The following PHKA1 variants were observed in gnomAD, a reference collection of about 807,000 sequenced individuals.
PHKA1 encodes phosphorylase kinase regulatory subunit alpha 1, also known as phosphorylase b kinase regulatory subunit alpha, skeletal muscle isoform.
PHKA1 carries 60 observed loss-of-function variants against 110.2 expected under a neutral mutation model. The observed-to-expected ratio is 0.54, with a 90% confidence interval of 0.44 to 0.68. PHKA1 has a LOEUF of 0.68. Among genes scored for constraint, PHKA1 ranks in the 30% least tolerant of loss-of-function variants. PHKA1 has a pLI of 0.00. For synonymous variants in PHKA1, 316 were observed against 333.6 expected, an observed-to-expected ratio of 0.95 and a Z score of 0.58; for missense variants, 801 against 942.5, an observed-to-expected ratio of 0.85 and a Z score of 1.97.
At position 72,689,158 on chromosome X, in the gene PHKA1, A is replaced by G. The variant is rs2054003611; in HGVS notation, c.455-4578T>C. Among the ~76,000 whole-genome samples, 9 of 112,424 alleles carry G rather than the reference A, an allele frequency of 8.0e-5. No homozygotes were observed. In the Admixed American group the frequency reaches 8.5e-4, roughly 11 times the overall value. ...GTATAACATTAAGCCTCTTTCTCTC[A>G]TTTTTAGAAACAACCTTATTGAGAT... On this transcript the variant is annotated intron_variant, in intron 4 of 31. Coordinates refer to ENST00000373542, the MANE Select transcript of PHKA1 (RefSeq NM_002637.4).
chrX:72,702,158 A>G (rs782355195), intron 3 of PHKA1, among the ~76,000 whole-genome samples: 1 of 111,869 alleles, frequency 8.9e-6, no homozygotes, highest in South Asian at 3.8e-4. Flanking sequence ...GAAAAAAATA[A>G]CAGTAATTGG....
chrX:72,633,905 G>T (rs2147731677), intron 16 of PHKA1, among the ~76,000 whole-genome samples: 1 of 111,475 alleles, frequency 9.0e-6, no homozygotes, highest in Admixed American at 9.5e-5. Flanking sequence ...CTCTATTCAG[G>T]AGAACTTCAT....
intron 5 of PHKA1, among the ~76,000 whole-genome samples, chrX:72,679,284 C>A (rs188122030): frequency 2.9e-4 from 32 of 110,643 alleles, no homozygotes; most frequent in Non-Finnish European, 4.3e-4. Context: ...CCACAAAACA[C>A]ATTTTAAAAG....
chrX:72,670,937 A>C (rs1556308756), intron 6 of PHKA1, among the ~76,000 whole-genome samples: 1 of 111,844 alleles, frequency 8.9e-6, no homozygotes, highest in Non-Finnish European at 1.9e-5. Context: ...GACGTATCTC[A>C]AAATAATAAG....
intron 29 of PHKA1, 29 bp downstream of exon 29, chrX:72,593,075 A>C (rs201554965): frequency 9.7e-7 from 1 of 1,031,701 alleles, no homozygotes; most frequent in African/African-American, 1.9e-5. Context: ...AGGGGCAAAA[A>C]TGAGACATCA....
intron 31 of PHKA1, 31 bp from the exon 32 acceptor site, chrX:72,581,206 G>A (rs1455076075): frequency 3.0e-6 from 3 of 1,000,575 alleles, no homozygotes; most frequent in Non-Finnish European, 4.3e-6. Flanking sequence ...GAAGAACATA[G>A]GGGAAAGGAA....
intron 22 of PHKA1, among the ~76,000 whole-genome samples, chrX:72,610,163 C>G (rs1338313744): frequency 9.0e-6 from 1 of 110,980 alleles, no homozygotes; most frequent in African/African-American, 3.3e-5. Context: ...AGATTTACAA[C>G]AAATTATTGT....
At chrX:72,641,434 C>T (rs1375260621) in intron 14 of PHKA1, among the ~76,000 whole-genome samples, 1 of 111,268 alleles carries the variant, frequency 9.0e-6, no homozygotes, top group African/African-American at 3.3e-5. Flanking sequence ...GGAAATGCAT[C>T]ACGAGAGAAT....
At chrX:72,589,223 T>A (rs1161942602) in intron 29 of PHKA1, among the ~76,000 whole-genome samples, 1 of 111,774 alleles carries the variant, frequency 8.9e-6, no homozygotes, top group Non-Finnish European at 1.9e-5. Context: ...AAAAAGCTTA[T>A]CAACCATGAT....
chrX:72,581,099 G>A lies in PHKA1; in HGVS notation c.3575C>T (p.Ala1192Val), dbSNP rs782205805. ...CATGGTGCCAAACCTGCCACTGGGT[G>A]CACTGTCATACAGAAGAGTACAGAT... The part of the protein sequence containing the change: ...SGICTLLYDS[A>V]PSGRFGTMTY... The change falls in exon 32 of 32, where the codon GCA (alanine) becomes GTA (valine). Residue 1192 changes from alanine (A) to valine (V), a missense_variant. This residue lies in a region of PHKA1 where 502 missense variants were observed against 519.2 expected (regional missense o/e 0.97). Coordinates refer to ENST00000373542, the MANE Select transcript of PHKA1 (RefSeq NM_002637.4). 1 of 1,196,721 alleles carries A rather than the reference G, an allele frequency of 8.4e-7. No individual in the cohort carries two copies.
In PHKA1 at chrX:72,580,868, T is replaced by C. The variant is rs1409363018; in HGVS notation, c.*134A>G. 5.0e-6 allele frequency: 3 copies of C among 602,013 alleles called. No homozygotes were observed. Among genetic ancestry groups the C allele is most frequent in the African/African-American group, 4.4e-5 (2 of 45,188 alleles). The allele number at this position is 602,013 out of a possible 1,213,427, so 49.6% of individuals were successfully genotyped here. ...AGTAGTTAGTTTATCGAAAAAGTTC[T>C]CTCTTCTTGGGAAGGATGGGACAGA... On this transcript the variant is annotated 3_prime_UTR_variant, in exon 32 of 32. Coordinates refer to ENST00000373542, the MANE Select transcript of PHKA1 (RefSeq NM_002637.4).
chrX:72,630,999 GT>G (rs146161152), intron 16 of PHKA1, among the ~76,000 whole-genome samples: 10 of 44,668 alleles, frequency 2.2e-4, no homozygotes, highest in South Asian at 1.6e-3. Flanking sequence ...ATTTTTTCAG[GT>G]TTTTTTTTTT....
intron 28 of PHKA1, among the ~76,000 whole-genome samples, chrX:72,597,026 C>A (rs1168884618): frequency 8.9e-6 from 1 of 112,106 alleles, no homozygotes; most frequent in Admixed American, 9.5e-5. Context: ...ATAGCCTTTT[C>A]AACAAATGGT....
At chrX:72,649,098 T>G (rs1194711540) in intron 13 of PHKA1, among the ~76,000 whole-genome samples, 1 of 112,237 alleles carries the variant, frequency 8.9e-6, no homozygotes, top group Admixed American at 9.4e-5. Context: ...GAACAAGATC[T>G]CTCATGGGAA....
chrX:72,697,857 G>A lies in PHKA1; in HGVS notation c.286-1981C>T, dbSNP rs1341452492. On this transcript the variant is annotated intron_variant, in intron 3 of 31. Coordinates refer to ENST00000373542, the MANE Select transcript of PHKA1 (RefSeq NM_002637.4). ...AACTTAGCCGGGCATGGTGGCGGGT[G>A]CCTGTAGTCCCAGCTACTCGGGAGG... Among the ~76,000 whole-genome samples, 3 of 109,176 alleles carry A rather than the reference G, an allele frequency of 2.7e-5. No individual in the cohort carries two copies. In the Admixed American group the frequency reaches 3.0e-4, roughly 11 times the overall value. 94.8% of individuals were successfully genotyped at this position (109,176 alleles called of 115,157 possible).
chrX:72,707,345 T>C (rs1185801168), intron 2 of PHKA1, among the ~76,000 whole-genome samples: 1 of 112,055 alleles, frequency 8.9e-6, no homozygotes, highest in Non-Finnish European at 1.9e-5. Flanking sequence ...CTCTCTGAAG[T>C]CTTCCTTGCC....
intron 8 of PHKA1, among the ~76,000 whole-genome samples, chrX:72,661,387 G>T (rs7051006): frequency 0.055 from 6,168 of 111,228 alleles, 410 homozygotes; most frequent in African/African-American, 0.19. Context: ...TAATTTTTGA[G>T]ATCTTATTGC....
intron 23 of PHKA1, among the ~76,000 whole-genome samples, chrX:72,607,941 T>A (rs2052754397): frequency 9.0e-6 from 1 of 111,266 alleles, no homozygotes; most frequent in African/African-American, 3.3e-5. Context: ...AAAAACCTGC[T>A]TGGTGCTCTA....
intron 28 of PHKA1, among the ~76,000 whole-genome samples, chrX:72,598,469 T>G (rs932581048): frequency 1.2e-4 from 13 of 111,771 alleles, no homozygotes; most frequent in South Asian, 3.8e-4. Flanking sequence ...CGACACATAG[T>G]TACCATATGA....
Sources: allele counts gnomAD v4.1 joint callset (sites outside exome capture counted in the v4.1 genomes callset), GRCh38; gene constraint gnomAD v4.1.1; regional missense constraint gnomAD v4.1.1; transcripts MANE v1.5; gene names NCBI Gene and HGNC (gene_info 2026-07-23, HGNC 2026-07-21).